The following OSBPL1A variants were observed in gnomAD, a reference collection of about 807,000 sequenced individuals.
OSBPL1A encodes oxysterol binding protein like 1A, also known as oxysterol-binding protein-related protein 1.
A neutral mutation model predicts 137.1 loss-of-function variants in OSBPL1A; 80 were observed. The observed-to-expected ratio is 0.58, with a 90% confidence interval of 0.49 to 0.70. The LOEUF is 0.70. OSBPL1A is among the 30% of genes least tolerant of loss of function. The probability of loss-of-function intolerance (pLI) is 0.00; values close to 1 mark genes in which losing one functional copy is unlikely to be tolerated. For missense variants in OSBPL1A, 970 were observed against 1,129.4 expected (o/e 0.86, Z 2.02); for synonymous variants, 365 against 389.7 (o/e 0.94, Z 0.75).
At chr18:24,272,884 T>C (rs946342739) in intron 15 of OSBPL1A, among the ~76,000 whole-genome samples, 12 of 152,128 alleles carry the variant, frequency 7.9e-5, no homozygotes, top group East Asian at 5.8e-4. Context: ...TTTGTTTTCA[T>C]TGTTATTTTA....
At chr18:24,355,416 A>T (rs2091516349) in intron 4 of OSBPL1A, among the ~76,000 whole-genome samples, 1 of 151,650 alleles carries the variant, frequency 6.6e-6, no homozygotes, top group African/African-American at 2.4e-5. Context: ...GCAGGAGATC[A>T]TTTGAACCCG....
chr18:24,291,202 G>C (rs1009297912), intron 14 of OSBPL1A, among the ~76,000 whole-genome samples: 13 of 152,000 alleles, frequency 8.6e-5, no homozygotes, highest in Non-Finnish European at 1.6e-4. Context: ...AACAACTTGA[G>C]GTATAAAAAC....
chr18:24,200,379 T>C (rs1302483488), intron 17 of OSBPL1A, among the ~76,000 whole-genome samples: 5 of 152,106 alleles, frequency 3.3e-5, no homozygotes, highest in African/African-American at 1.2e-4. Flanking sequence ...CTGGCCAAGA[T>C]GGTGAAACCC....
chr18:24,181,119 A>G (rs950744833), intron 19 of OSBPL1A, 26 bp downstream of exon 19: 2 of 1,610,154 alleles, frequency 1.2e-6, no homozygotes, highest in Non-Finnish European at 1.7e-6. Flanking sequence ...TCTAAGAGTT[A>G]GACCTTTTCC....
intron 17 of OSBPL1A, among the ~76,000 whole-genome samples, chr18:24,223,310 A>C (rs2087953914): frequency 1.3e-5 from 2 of 152,108 alleles, no homozygotes; most frequent in Admixed American, 1.3e-4. Context: ...TTAGAGAAGA[A>C]CTTTATGAAA....
chr18:24,309,034 GT>G (rs1378331647), intron 13 of OSBPL1A, among the ~76,000 whole-genome samples: 2 of 152,070 alleles, frequency 1.3e-5, no homozygotes, highest in African/African-American at 4.8e-5. Context: ...GCCTCCCAAA[GT>G]GCTGGGATTA....
chr18:24,248,871 C>T (rs275861), intron 15 of OSBPL1A, among the ~76,000 whole-genome samples: 71,798 of 152,048 alleles, frequency 0.47, 18,048 homozygotes, highest in East Asian at 0.88. Context: ...AAATAACTTC[C>T]CATAAAATCA....
intron 7 of OSBPL1A, among the ~76,000 whole-genome samples, chr18:24,332,002 A>G (rs887851411): frequency 6.6e-6 from 1 of 151,980 alleles, no homozygotes; most frequent in Non-Finnish European, 1.5e-5. Flanking sequence ...TCCTACTATA[A>G]ACAAATGTCC....
At chr18:24,344,047 A>G (rs1289639862) in intron 4 of OSBPL1A, among the ~76,000 whole-genome samples, 1 of 152,242 alleles carries the variant, frequency 6.6e-6, no homozygotes, top group Non-Finnish European at 1.5e-5. Context: ...CAAATCATGT[A>G]TCTAACAAGG....
At position 24,303,646 on chromosome 18, in the gene OSBPL1A, T is replaced by C. The variant is rs2090444853; in HGVS notation, c.1165A>G (p.Met389Val). 2 of 1,612,662 alleles carry C rather than the reference T, an allele frequency of 1.2e-6. No individual in the cohort carries two copies. The highest frequency in any genetic ancestry group is 1.1e-5 in the South Asian group (1 of 91,038). Residue 389 changes from methionine (M) to valine (V), a missense_variant, in exon 14 of 28, where the codon ATG (methionine) becomes GTG (valine). By Grantham distance (21) the Met-to-Val change is conservative (BLOSUM62 1). Around this residue, in one of 2 missense-constraint regions of OSBPL1A, gnomAD observed 647 missense variants for 672.6 expected, o/e 0.96. Coordinates refer to ENST00000319481, the MANE Select transcript of OSBPL1A (RefSeq NM_080597.4). Reference sequence around the variant, plus strand: ...GTGCTTGTCTTTTTACCTTTAGCCATGTCACACTCCTTAATCATTTTGAGA... The same window carrying C: ...GTGCTTGTCTTTTTACCTTTAGCCACGTCACACTCCTTAATCATTTTGAGA... ...NFLKMIKECD[M>V]AKEMLPSFLQ...
rs764918632 is a variant in OSBPL1A, at chr18:24,196,157, T to C, written c.1645A>G (p.Ile549Val). The C allele has an allele frequency of 9.3e-6, 15 of 1,611,800 alleles. No homozygotes were observed. Among genetic ancestry groups the C allele is most frequent in the African/African-American group, 1.3e-5 (1 of 75,042 alleles). The change falls in exon 18 of 28, where the codon ATC becomes GTC. Residue 549 changes from isoleucine (I) to valine (V), a missense_variant. Coordinates refer to ENST00000319481, the MANE Select transcript of OSBPL1A (RefSeq NM_080597.4). ...ATACATTTTCTGAGGATGCTCCAGA[T>C]ACTGAAGTCATTTCTGGAAAACATA... The part of the protein sequence containing the change: ...SPMFSRNDFS[I>V]WSILRKCIGM...
intron 20 of OSBPL1A, 22 bp from the exon 21 acceptor site, chr18:24,178,217 AAAAG>A: frequency 2.6e-6 from 4 of 1,521,596 alleles, no homozygotes; most frequent in Non-Finnish European, 3.5e-6. Context: ...AAAAAAAAAA[AAAAG>A]AAAAAAAAAA....
chr18:24,209,105 A>G (rs1370388627), intron 17 of OSBPL1A, among the ~76,000 whole-genome samples: 2 of 152,248 alleles, frequency 1.3e-5, no homozygotes, highest in Non-Finnish European at 2.9e-5. Flanking sequence ...AACAAAGAAG[A>G]AATTAAAGAC....
At chr18:24,176,297 G>A (rs147465158) in intron 21 of OSBPL1A, among the ~76,000 whole-genome samples, 133 of 152,224 alleles carry the variant, frequency 8.7e-4, no homozygotes, top group African/African-American at 2.7e-3. Context: ...CAAATATATC[G>A]AGACAGTGTG....
intron 14 of OSBPL1A, among the ~76,000 whole-genome samples, chr18:24,292,746 G>T (rs1204317296): frequency 1.3e-5 from 2 of 152,130 alleles, no homozygotes; most frequent in African/African-American, 4.8e-5. Flanking sequence ...GTGCTGAGGG[G>T]AGGTGAACTT....
At chr18:24,326,010 C>T (rs1219179128) in intron 7 of OSBPL1A, among the ~76,000 whole-genome samples, 1 of 151,850 alleles carries the variant, frequency 6.6e-6, no homozygotes, top group Non-Finnish European at 1.5e-5. Flanking sequence ...CATTGGCCTC[C>T]CAAAGTGCTA....
Position 24,170,495 on chromosome 18 carries a change from G to GT in OSBPL1A, c.2292-43dup, listed in dbSNP as rs745587569. The GT allele has an allele frequency of 5.1e-5, 82 of 1,612,248 alleles. No homozygotes were observed. In the African/African-American group the frequency reaches 8.4e-4, roughly 17 times the overall value. On this transcript the variant is annotated intron_variant, in intron 23 of 27. Coordinates refer to ENST00000319481, the MANE Select transcript of OSBPL1A (RefSeq NM_080597.4). ...ATGTTTAGTTAACAAACCAGTGTTT[G>GT]TTTTTTTAAAGCCGACAGCACCTGG... is the stretch of plus-strand genomic sequence containing the variant.
chr18:24,376,969 T>C (rs1192482502), intron 2 of OSBPL1A, among the ~76,000 whole-genome samples: 6 of 152,164 alleles, frequency 3.9e-5, no homozygotes, highest in Admixed American at 3.9e-4. Context: ...GCGCCTCTCC[T>C]TCCACACCTC....
chr18:24,194,739 C>T (rs1273215400), intron 18 of OSBPL1A, among the ~76,000 whole-genome samples: 20 of 152,128 alleles, frequency 1.3e-4, no homozygotes. Context: ...ACACCTACCT[C>T]TAAGGTACAA....
Sources: gnomAD v4.1 joint callset for allele counts (sites outside exome capture counted in the v4.1 genomes callset) on GRCh38, gnomAD v4.1.1 for gene constraint, gnomAD v4.1.1 regional missense constraint, MANE v1.5 for transcripts, NCBI Gene and HGNC (gene_info 2026-07-23, HGNC 2026-07-21) for gene names.